CTTNBP2NL: variants seen among roughly 807,000 people sequenced by gnomAD.
The protein encoded by CTTNBP2NL is CTTNBP2 N-terminal like, also known as CTTNBP2 N-terminal-like protein.
A neutral mutation model predicts 32.5 loss-of-function variants in CTTNBP2NL; 16 were observed. The ratio of observed to expected loss-of-function variants is 0.49; its 90% CI spans 0.33 to 0.75. CTTNBP2NL has a LOEUF of 0.75. Among genes scored for constraint, CTTNBP2NL ranks in the 30% least tolerant of loss-of-function variants. The probability of loss-of-function intolerance (pLI) is 0.02; values close to 1 mark genes in which losing one functional copy is unlikely to be tolerated. For missense variants in CTTNBP2NL, 645 were observed against 756.0 expected (o/e 0.85, Z 1.72); for synonymous variants, 298 against 289.4 (o/e 1.03, Z -0.30).
intron 3 of CTTNBP2NL, among the ~76,000 whole-genome samples, chr1:112,435,433 C>T (rs1649703288): frequency 6.6e-6 from 1 of 152,092 alleles, no homozygotes; most frequent in Admixed American, 6.6e-5. Flanking sequence ...AAGTATTTGT[C>T]ATACAGGAGA....
intron 4 of CTTNBP2NL, among the ~76,000 whole-genome samples, chr1:112,451,367 ATTTCTT>A (rs1650213687): frequency 6.8e-6 from 1 of 146,620 alleles, no homozygotes; most frequent in South Asian, 2.2e-4. Flanking sequence ...CTGTCACACT[ATTTCTT>A]GAATGTGACA....
At chr1:112,404,203 T>G (rs555772007) in intron 1 of CTTNBP2NL, among the ~76,000 whole-genome samples, 65 of 152,334 alleles carry the variant, frequency 4.3e-4, no homozygotes, top group African/African-American at 1.5e-3. Flanking sequence ...CCAGCAGAAT[T>G]ACTGTCCCTG....
In CTTNBP2NL at chr1:112,460,682, T is replaced by C. The variant is rs1386668248; in HGVS notation, c.*3270T>C. ...GATTAATGCATCCCTTTTCAACTACTCCAGCGCTGTTGCTGCTGCAATGTT... is the reference window on the plus strand; with the variant it reads ...GATTAATGCATCCCTTTTCAACTACCCCAGCGCTGTTGCTGCTGCAATGTT... On this transcript the variant is annotated 3_prime_UTR_variant, in exon 6 of 6. Coordinates refer to ENST00000271277, the MANE Select transcript of CTTNBP2NL (RefSeq NM_018704.3). 6.6e-6 allele frequency: 1 copy of C among 152,246 alleles called. No individual in the cohort carries two copies. The highest frequency in any genetic ancestry group is 1.5e-5 in the Non-Finnish European group (1 of 68,040). The allele number at this position is 152,246 out of a possible 1,614,324, so 9.4% of individuals were successfully genotyped here. A position where few individuals can be genotyped will look rare whatever the true frequency, so the allele number is the denominator to read the frequency against.
Position 112,456,554 on chromosome 1 carries a change from A to C in CTTNBP2NL, c.1062A>C (p.Pro354=). The change falls in exon 6 of 6, where the codon CCA becomes CCC. Residue 354 remains proline (P), a synonymous_variant. Transcript: ENST00000271277. ...SYAKTNGHCD[P]EIQTTRELTA... is the part of the protein sequence containing the mutation. ...CAAAAACCAATGGCCATTGTGACCC[A>C]GAGATACAAACTACCAGGGAGCTGA... The C allele has an allele frequency of 6.2e-7, 1 of 1,614,202 alleles. No individual in the cohort carries two copies. Among genetic ancestry groups the C allele is most frequent in the Non-Finnish European group, 8.5e-7 (1 of 1,180,036 alleles).
Position 112,448,954 on chromosome 1 carries a change from G to C in CTTNBP2NL, c.112G>C (p.Asp38His). Residue 38 changes from aspartate to histidine, a missense_variant, in exon 4 of 6, where the codon GAT becomes CAT. By Grantham distance (81) the Asp-to-His change is moderately conservative. Transcript: ENST00000271277. ...TCCTCTTTCCCAGGCCCAACACAGA[G>C]ATACTTTCATTGAAGAACGCTATGG... ...VIEALKAQHRDTFIEERYGKY... is the reference protein window; with the variant it reads ...VIEALKAQHRHTFIEERYGKY... 2 of 1,603,974 alleles carry C rather than the reference G, an allele frequency of 1.2e-6. No individual in the cohort carries two copies. The highest frequency in any genetic ancestry group is 1.7e-6 in the Non-Finnish European group (2 of 1,171,004).
At chr1:112,421,381 A>G (rs1025720856) in intron 3 of CTTNBP2NL, among the ~76,000 whole-genome samples, 2 of 147,390 alleles carry the variant, frequency 1.4e-5, no homozygotes, top group African/African-American at 5.0e-5. Flanking sequence ...GCTCACTGCA[A>G]CCTCTGCCTC....
intron 1 of CTTNBP2NL, among the ~76,000 whole-genome samples, chr1:112,402,914 G>A (rs1022776770): frequency 6.6e-6 from 1 of 151,956 alleles, no homozygotes. Context: ...AGCCTGTCTC[G>A]TATCACAGTC....
intron 3 of CTTNBP2NL, among the ~76,000 whole-genome samples, chr1:112,442,398 A>C (rs995442173): frequency 1.3e-5 from 2 of 152,208 alleles, no homozygotes; most frequent in African/African-American, 4.8e-5. Flanking sequence ...TTATTTTTAA[A>C]TTATACTTTA....
At chr1:112,426,326 G>GAGTGATGTGGA in intron 3 of CTTNBP2NL, among the ~76,000 whole-genome samples, 1 of 152,158 alleles carries the variant, frequency 6.6e-6, no homozygotes, top group Admixed American at 6.6e-5. Context: ...AGATCAAGTA[G>GAGTGATGTGGA]AGTGATGTGG....
chr1:112,417,779 A>G (rs983139238), intron 3 of CTTNBP2NL, among the ~76,000 whole-genome samples: 3 of 152,218 alleles, frequency 2.0e-5, no homozygotes, highest in Non-Finnish European at 4.4e-5. Context: ...CGTTTGAGAA[A>G]AGTAACTGCC....
At chr1:112,448,053 C>A (rs1409870838) in intron 3 of CTTNBP2NL, among the ~76,000 whole-genome samples, 1 of 152,188 alleles carries the variant, frequency 6.6e-6, no homozygotes, top group East Asian at 1.9e-4. Flanking sequence ...GAATATCTTT[C>A]CACCCACTTC....
upstream of CTTNBP2NL, among the ~76,000 whole-genome samples, chr1:112,393,050 G>T (rs1333513463): frequency 6.6e-6 from 1 of 152,046 alleles, no homozygotes. Flanking sequence ...TAGAGACGGG[G>T]TTTCACCATG....
In CTTNBP2NL at chr1:112,444,405, A is replaced by G. The variant is rs570458953; in HGVS notation, c.100-4537A>G. On this transcript the variant is annotated intron_variant, in intron 3 of 5. Coordinates refer to ENST00000271277, the MANE Select transcript of CTTNBP2NL (RefSeq NM_018704.3). The stretch of plus-strand genomic sequence containing the variant: ...TTGGAGAGCAAGTATGGCCGACTCT[A>G]AGAAGATTATGTGATTTGATTTTAA... Among the ~76,000 whole-genome samples, 7 of 152,344 alleles carry G rather than the reference A, an allele frequency of 4.6e-5. No individual in the cohort carries two copies. The South Asian group carries it at 1.2e-3, about 27-fold the overall frequency.
intron 1 of CTTNBP2NL, among the ~76,000 whole-genome samples, chr1:112,397,453 T>G (rs1018081159): frequency 2.6e-5 from 4 of 152,204 alleles, no homozygotes; most frequent in Admixed American, 2.0e-4. Context: ...GAAACATTCA[T>G]GTATATTTTG....
In CTTNBP2NL at chr1:112,456,586, G is replaced by C. The variant is rs1650371415; in HGVS notation, c.1094G>C (p.Gly365Ala). The C allele has an allele frequency of 1.2e-6, 2 of 1,614,030 alleles. No homozygotes were observed. The highest frequency in any genetic ancestry group is 1.7e-5 in the Admixed American group (1 of 59,988). ...EIQTTRELTA[G>A]NNVENQVPPR... ...CAAACTACCAGGGAGCTGACTGCAG[G>C]CAACAATGTAGAAAACCAGGTGCCT... The change falls in exon 6 of 6, where the codon GGC becomes GCC. Residue 365 changes from glycine (G) to alanine (A), a missense_variant. Physicochemically the swap from Gly to Ala is moderately conservative, Grantham distance 60 (BLOSUM62 0). Transcript: ENST00000271277.
chr1:112,400,029 A>G (rs191250789), intron 1 of CTTNBP2NL, among the ~76,000 whole-genome samples: 3 of 152,324 alleles, frequency 2.0e-5, no homozygotes, highest in East Asian at 1.9e-4. Flanking sequence ...AGATCACGCC[A>G]TTGCACTCCA....
intron 3 of CTTNBP2NL, among the ~76,000 whole-genome samples, chr1:112,438,772 G>T (rs1649813127): frequency 6.6e-6 from 1 of 152,178 alleles, no homozygotes; most frequent in Non-Finnish European, 1.5e-5. Context: ...AGTTGCAGTG[G>T]TCACCTTTAG....
At chr1:112,421,461 C>G (rs562824002) in intron 3 of CTTNBP2NL, among the ~76,000 whole-genome samples, 1 of 151,228 alleles carries the variant, frequency 6.6e-6, no homozygotes, top group Non-Finnish European at 1.5e-5. Flanking sequence ...CCACCACGCC[C>G]GGCTAGTTTT....
At chr1:112,397,871 G>A (rs572410629) in intron 1 of CTTNBP2NL, among the ~76,000 whole-genome samples, 2 of 152,304 alleles carry the variant, frequency 1.3e-5, no homozygotes, top group Non-Finnish European at 2.9e-5. Flanking sequence ...TTCTTGATTA[G>A]ACTTTCTGAA....
Sources: gnomAD v4.1 joint callset for allele counts (sites outside exome capture counted in the v4.1 genomes callset) on GRCh38, gnomAD v4.1.1 for gene constraint, MANE v1.5 for transcripts, NCBI Gene and HGNC (gene_info 2026-07-23, HGNC 2026-07-21) for gene names.